The following GPC6 variants were observed in gnomAD, a reference collection of about 807,000 sequenced individuals.
GPC6 encodes glypican 6, also known as glypican-6.
Under a neutral mutation model 55.2 loss-of-function variants are expected in GPC6, and 14 were observed. The observed-to-expected ratio is 0.25, with a 90% confidence interval of 0.17 to 0.40. The LOEUF (loss-of-function observed/expected upper bound fraction) is 0.40. Ranked by LOEUF, GPC6 falls within the 10% of genes least tolerant of loss-of-function variation. The pLI is 1.00. For missense variants in GPC6, 641 were observed against 708.5 expected (o/e 0.90, Z 1.08); for synonymous variants, 278 against 259.6 (o/e 1.07, Z -0.68).
intron 4 of GPC6, among the ~76,000 whole-genome samples, chr13:94,079,568 T>C (rs1003656958): frequency 6.6e-6 from 1 of 152,170 alleles, no homozygotes; most frequent in Non-Finnish European, 1.5e-5. Context: ...AATGCAAAAA[T>C]GTTTCTGCGA....
chr13:94,266,532 C>G lies in GPC6; in HGVS notation c.878-19817C>G, dbSNP rs574409681. Among the ~76,000 whole-genome samples the G allele has an allele frequency of 9.9e-5, 15 of 152,056 alleles. No individual in the cohort carries two copies. In the East Asian group the frequency reaches 2.3e-3, roughly 24 times the overall value. Reference sequence around the variant, plus strand: ...TAGTCCAACTTACACTCTTCCCCACCCTTCCCCACCCTCCCTCAGTCTTTC... The same window carrying G: ...TAGTCCAACTTACACTCTTCCCCACGCTTCCCCACCCTCCCTCAGTCTTTC... On this transcript the variant is annotated intron_variant, in intron 4 of 8. Coordinates refer to ENST00000377047, the MANE Select transcript of GPC6 (RefSeq NM_005708.5).
At chr13:93,590,750 T>A (rs905219815) in intron 2 of GPC6, among the ~76,000 whole-genome samples, 1 of 152,182 alleles carries the variant, frequency 6.6e-6, no homozygotes, top group Non-Finnish European at 1.5e-5. Context: ...ATCTTCTTTG[T>A]TAAATATAGC....
chr13:94,290,429 TAAAA>T (rs532958421), intron 5 of GPC6, among the ~76,000 whole-genome samples: 5 of 99,032 alleles, frequency 5.0e-5, no homozygotes, highest in Non-Finnish European at 6.0e-5. Flanking sequence ...TCTAGAAAGG[TAAAA>T]AAAAAAAAAA....
chr13:93,764,009 T>A (rs551501061), intron 2 of GPC6, among the ~76,000 whole-genome samples: 12 of 152,246 alleles, frequency 7.9e-5, no homozygotes, highest in African/African-American at 2.9e-4. Flanking sequence ...ATATCACAGA[T>A]CGGATCTACT....
intron 4 of GPC6, among the ~76,000 whole-genome samples, chr13:94,109,909 A>AG (rs1367810483): frequency 2.6e-5 from 4 of 152,094 alleles, no homozygotes; most frequent in Non-Finnish European, 4.4e-5. Context: ...CTCCATCAAC[A>AG]GACCTTAGTG....
intron 2 of GPC6, among the ~76,000 whole-genome samples, chr13:93,804,443 T>C (rs1013790337): frequency 6.6e-6 from 1 of 152,194 alleles, no homozygotes; most frequent in African/African-American, 2.4e-5. Context: ...CATTTCAAGA[T>C]CCAGACAAGT....
intron 1 of GPC6, among the ~76,000 whole-genome samples, chr13:93,357,231 C>T (rs546536329): frequency 4.0e-4 from 61 of 152,152 alleles, no homozygotes; most frequent in Admixed American, 2.7e-3. Context: ...GGTTTTTATT[C>T]GCTGCAGGTT....
intron 2 of GPC6, among the ~76,000 whole-genome samples, chr13:93,758,976 T>G (rs1274514201): frequency 6.6e-6 from 1 of 152,088 alleles, no homozygotes; most frequent in Non-Finnish European, 1.5e-5. Flanking sequence ...TAACCTACAG[T>G]TTTTCCGTTC....
At chr13:93,288,366 G>C (rs1191782494) in intron 1 of GPC6, among the ~76,000 whole-genome samples, 1 of 152,034 alleles carries the variant, frequency 6.6e-6, no homozygotes, top group Non-Finnish European at 1.5e-5. Context: ...CATCTGTCCA[G>C]AGGAGTAGTG....
chr13:93,989,524 G>A (rs1012763990), intron 3 of GPC6, among the ~76,000 whole-genome samples: 2 of 152,148 alleles, frequency 1.3e-5, no homozygotes, highest in Non-Finnish European at 2.9e-5. Flanking sequence ...TGACTTTCTA[G>A]AACACAGTTT....
intron 1 of GPC6, among the ~76,000 whole-genome samples, chr13:93,467,004 T>C (rs1480261064): frequency 1.3e-5 from 2 of 152,238 alleles, no homozygotes; most frequent in African/African-American, 4.8e-5. Flanking sequence ...AAAATACTTT[T>C]CTTAATGATA....
At chr13:93,351,639 T>C (rs1351257724) in intron 1 of GPC6, among the ~76,000 whole-genome samples, 1 of 152,174 alleles carries the variant, frequency 6.6e-6, no homozygotes, top group African/African-American at 2.4e-5. Context: ...ATGATTGATA[T>C]GCTAATTACA....
chr13:94,098,970 A>G, intron 4 of GPC6, among the ~76,000 whole-genome samples: 1 of 152,186 alleles, frequency 6.6e-6, no homozygotes, highest in Non-Finnish European at 1.5e-5. Context: ...AGAAGTCTGA[A>G]GCCGTTAGCA....
intron 2 of GPC6, among the ~76,000 whole-genome samples, chr13:93,761,539 G>A (rs757559242): frequency 4.7e-4 from 71 of 152,070 alleles, no homozygotes; most frequent in South Asian, 2.1e-3. Context: ...ATAGAGACAG[G>A]GTCATCTTGC....
intron 2 of GPC6, among the ~76,000 whole-genome samples, chr13:93,787,347 T>A (rs1427391189): frequency 6.6e-6 from 1 of 152,196 alleles, no homozygotes; most frequent in Non-Finnish European, 1.5e-5. Context: ...GCTCTGCCAT[T>A]AAAGCATGAA....
intron 4 of GPC6, among the ~76,000 whole-genome samples, chr13:94,078,175 A>T (rs1227627485): frequency 6.6e-6 from 1 of 151,970 alleles, no homozygotes; most frequent in East Asian, 1.9e-4. Context: ...CAATGGGACC[A>T]AGAAGAAATC....
chr13:94,403,372 C>G lies in GPC6; in HGVS notation c.*155C>G. 2.9e-6 allele frequency: 2 copies of G among 699,278 alleles called. No individual in the cohort carries two copies. Among genetic ancestry groups the G allele is most frequent in the South Asian group, 1.5e-5 (1 of 65,656 alleles). 43.3% of individuals were successfully genotyped at this position (699,278 alleles called of 1,614,324 possible). On this transcript the variant is annotated 3_prime_UTR_variant, in exon 9 of 9. Coordinates refer to ENST00000377047, the MANE Select transcript of GPC6 (RefSeq NM_005708.5). ...TGCAATCTGCCTCCCTTTTTGTTTT[C>G]CCAAAGAGTACCGGGTGCCAGACTG...
At chr13:93,387,412 G>A (rs1185848467) in intron 1 of GPC6, among the ~76,000 whole-genome samples, 1 of 152,142 alleles carries the variant, frequency 6.6e-6, no homozygotes, top group South Asian at 2.1e-4. Flanking sequence ...ACTTATGAGT[G>A]AGAACATGCA....
At chr13:94,116,353 T>C (rs1886427521) in intron 4 of GPC6, among the ~76,000 whole-genome samples, 1 of 151,974 alleles carries the variant, frequency 6.6e-6, no homozygotes, top group Admixed American at 6.6e-5. Flanking sequence ...CTCAGAAAGC[T>C]AAAGAACCAG....
Sources: allele counts gnomAD v4.1 joint callset (sites outside exome capture counted in the v4.1 genomes callset), GRCh38; gene constraint gnomAD v4.1.1; transcripts MANE v1.5; gene names NCBI Gene and HGNC (gene_info 2026-07-23, HGNC 2026-07-21).